Variants in NOX4 observed in about 807,000 individuals in gnomAD.
NOX4 encodes NADPH oxidase 4.
Under a neutral mutation model 87.6 loss-of-function variants are expected in NOX4, and 69 were observed. That is an observed-to-expected ratio of 0.79 (90% confidence interval 0.65 to 0.96). The LOEUF is 0.96. NOX4 is among the 40% of genes least tolerant of loss of function. The probability of loss-of-function intolerance (pLI) is 0.00; values close to 1 mark genes in which losing one functional copy is unlikely to be tolerated. For synonymous variants in NOX4, 275 were observed against 238.2 expected, an observed-to-expected ratio of 1.15 and a Z score of -1.42; for missense variants, 680 against 681.5, an observed-to-expected ratio of 1.00 and a Z score of 0.02.
the NOX4 span, among the ~76,000 whole-genome samples, chr11:89,539,161 C>T: frequency 3.9e-5 from 6 of 152,046 alleles, no homozygotes; most frequent in Admixed American, 1.3e-4. Flanking sequence ...GGGCAGGATG[C>T]GGTGGCTCAC....
At chr11:89,538,052 T>G in the NOX4 span, among the ~76,000 whole-genome samples, 13 of 152,202 alleles carry the variant, frequency 8.5e-5, no homozygotes, top group Non-Finnish European at 1.9e-4. Flanking sequence ...TTTTTCATTT[T>G]GTTCTATTTT....
rs183904097 is a variant in NOX4, at chr11:89,344,977, T to C, written c.1218-2784A>G. Among the ~76,000 whole-genome samples, 530 of 152,222 alleles carry C rather than the reference T, an allele frequency of 3.5e-3. 2 individuals are homozygous for C. Among genetic ancestry groups the C allele is most frequent in the African/African-American group, 0.012 (506 of 41,544 alleles). On this transcript the variant is annotated intron_variant, in intron 13 of 17. Transcript: ENST00000263317. ...ATTCTCTCTTCATGTAGGAAAAAAG[T>C]GAGTGTGATAAACTATTCCTCAGGA...
At chr11:89,510,385 T>A in the NOX4 span, among the ~76,000 whole-genome samples, 1 of 152,080 alleles carries the variant, frequency 6.6e-6, no homozygotes, top group African/African-American at 2.4e-5. Flanking sequence ...AATATGAAAC[T>A]TACAAAATAC....
At chr11:89,516,544 C>T in the NOX4 span, among the ~76,000 whole-genome samples, 1 of 152,004 alleles carries the variant, frequency 6.6e-6, no homozygotes, top group Non-Finnish European at 1.5e-5. Context: ...CTGAGGAATT[C>T]ACTCAGTTAA....
chr11:89,438,651 T>C (rs1944236982), intron 6 of NOX4, among the ~76,000 whole-genome samples: 1 of 73,866 alleles, frequency 1.4e-5, no homozygotes, highest in South Asian at 4.6e-4. Flanking sequence ...ATACTCTATA[T>C]AATATATACT....
At chr11:89,364,556 A>G (rs1397335546) in intron 12 of NOX4, among the ~76,000 whole-genome samples, 1 of 152,106 alleles carries the variant, frequency 6.6e-6, no homozygotes, top group Admixed American at 6.6e-5. Flanking sequence ...AAGGGGAAAA[A>G]AATCCCTAAA....
intron 8 of NOX4, among the ~76,000 whole-genome samples, chr11:89,409,699 C>A (rs922019809): frequency 6.6e-6 from 1 of 151,690 alleles, no homozygotes; most frequent in Non-Finnish European, 1.5e-5. Context: ...TGGAAGTTGG[C>A]AAACAAAATT....
intron 11 of NOX4, among the ~76,000 whole-genome samples, chr11:89,391,401 T>A (rs1042891931): frequency 1.9e-4 from 29 of 152,070 alleles, no homozygotes; most frequent in African/African-American, 6.3e-4. Context: ...TGAGGTTGTT[T>A]CCCAGGGTGA....
At chr11:89,417,354 G>A (rs1297162243) in intron 8 of NOX4, among the ~76,000 whole-genome samples, 1 of 152,094 alleles carries the variant, frequency 6.6e-6, no homozygotes, top group Non-Finnish European at 1.5e-5. Flanking sequence ...TGTTTGGAAA[G>A]AGGAAATGGT....
At chr11:89,389,948 A>T (rs2135130624) in intron 11 of NOX4, among the ~76,000 whole-genome samples, 1 of 152,272 alleles carries the variant, frequency 6.6e-6, no homozygotes, top group South Asian at 2.1e-4. Context: ...ATAATATAAT[A>T]TTTGCAAAAG....
At chr11:89,521,177 T>C in the NOX4 span, among the ~76,000 whole-genome samples, 1 of 151,986 alleles carries the variant, frequency 6.6e-6, no homozygotes, top group Admixed American at 6.6e-5. Context: ...ATTAGAAAAA[T>C]CTACTCTTAA....
chr11:89,466,201 C>G (rs1392997331), intron 2 of NOX4, among the ~76,000 whole-genome samples: 1 of 152,040 alleles, frequency 6.6e-6, no homozygotes, highest in Non-Finnish European at 1.5e-5. Flanking sequence ...CCAGCCTGAA[C>G]CAAGACAATC....
chr11:89,374,437 C>T (rs927949377), intron 11 of NOX4, among the ~76,000 whole-genome samples: 4 of 152,152 alleles, frequency 2.6e-5, no homozygotes, highest in Non-Finnish European at 5.9e-5. Context: ...AAACTAAGGG[C>T]TATGGGTAAG....
At chr11:89,335,288 A>T (rs2135372483) in intron 17 of NOX4, among the ~76,000 whole-genome samples, 1 of 151,924 alleles carries the variant, frequency 6.6e-6, no homozygotes, top group East Asian at 1.9e-4. Flanking sequence ...ATTTCTTCAG[A>T]TCATAGACAC....
chr11:89,471,931 C>T (rs1366154341), intron 2 of NOX4, among the ~76,000 whole-genome samples: 1 of 152,152 alleles, frequency 6.6e-6, no homozygotes, highest in African/African-American at 2.4e-5. Flanking sequence ...TTAGCAGAAA[C>T]AGGGTTTCAC....
chr11:89,561,861 G>T, the NOX4 span, among the ~76,000 whole-genome samples: 46 of 152,110 alleles, frequency 3.0e-4, no homozygotes, highest in African/African-American at 1.1e-3. Flanking sequence ...AATTGGAGGT[G>T]GTGGGAAATT....
chr11:89,543,957 G>A, the NOX4 span, among the ~76,000 whole-genome samples: 1 of 152,036 alleles, frequency 6.6e-6, no homozygotes, highest in South Asian at 2.1e-4. Flanking sequence ...AAGTGGGGAA[G>A]AAAAGAAAAG....
At chr11:89,366,515 A>C (rs1263593632) in intron 12 of NOX4, among the ~76,000 whole-genome samples, 1 of 151,892 alleles carries the variant, frequency 6.6e-6, no homozygotes, top group Non-Finnish European at 1.5e-5. Flanking sequence ...GCCTCTACAA[A>C]AAATATAAAA....
chr11:89,384,111 T>C (rs530039035), intron 11 of NOX4, among the ~76,000 whole-genome samples: 2 of 152,276 alleles, frequency 1.3e-5, no homozygotes, highest in East Asian at 3.9e-4. Context: ...ACAAGTTAGT[T>C]CAGGATCTGT....
Sources: gnomAD v4.1 joint callset for allele counts (sites outside exome capture counted in the v4.1 genomes callset) on GRCh38, gnomAD v4.1.1 for gene constraint, MANE v1.5 for transcripts, NCBI Gene and HGNC (gene_info 2026-07-23, HGNC 2026-07-21) for gene names.